Variants in LRRTM4 observed in about 807,000 individuals in gnomAD.
LRRTM4 encodes leucine rich repeat transmembrane neuronal 4, also known as leucine-rich repeat transmembrane neuronal protein 4.
In LRRTM4, 25 loss-of-function variants were observed where a neutral mutation model predicts 47.6. That is an observed-to-expected ratio of 0.53 (90% CI 0.38 to 0.73). The LOEUF (loss-of-function observed/expected upper bound fraction) is 0.73, where lower values mean the gene tolerates loss of function less well. LRRTM4 is among the 30% of genes least tolerant of loss of function. The pLI, the probability that LRRTM4 is intolerant of heterozygous loss-of-function variation, is 0.00. For synonymous variants in LRRTM4, 311 were observed against 269.5 expected, an observed-to-expected ratio of 1.15 and a Z score of -1.51; for missense variants, 638 against 713.4, an observed-to-expected ratio of 0.89 and a Z score of 1.20.
chr2:77,205,029 A>T lies in LRRTM4; in HGVS notation c.1551+313289T>A, dbSNP rs114369839. Among the ~76,000 whole-genome samples the T allele has an allele frequency of 5.1e-3, 774 of 152,342 alleles. 8 individuals are homozygous for T. Among genetic ancestry groups the T allele is most frequent in the African/African-American group, 0.018 (749 of 41,582 alleles). On this transcript the variant is annotated intron_variant, in intron 3 of 3. Transcript: ENST00000409884. ...GTTACAGAATTAATTTGAAAGATTT[A>T]TAACTCCCTATTTTTGGAAATCATA...
At chr2:77,464,111 G>A (rs1272702659) in intron 3 of LRRTM4, among the ~76,000 whole-genome samples, 1 of 152,038 alleles carries the variant, frequency 6.6e-6, no homozygotes, top group Non-Finnish European at 1.5e-5. Context: ...TTCTGATTTG[G>A]AAGGACAGAC....
At chr2:76,940,705 T>A (rs1250514858) in intron 3 of LRRTM4, among the ~76,000 whole-genome samples, 1 of 152,184 alleles carries the variant, frequency 6.6e-6, no homozygotes, top group Non-Finnish European at 1.5e-5. Context: ...CAATTCTAGA[T>A]TGTACGTACT....
chr2:77,012,404 A>G (rs1400371962), intron 3 of LRRTM4, among the ~76,000 whole-genome samples: 1 of 152,136 alleles, frequency 6.6e-6, no homozygotes, highest in Non-Finnish European at 1.5e-5. Flanking sequence ...ATGCCTAACA[A>G]GCGTGTATTT....
intron 3 of LRRTM4, among the ~76,000 whole-genome samples, chr2:76,891,411 T>C (rs114184409): frequency 0.012 from 1,835 of 151,868 alleles, 38 homozygotes; most frequent in African/African-American, 0.042. Flanking sequence ...AAAAATTAAG[T>C]ATTTTAGCAA....
intron 3 of LRRTM4, among the ~76,000 whole-genome samples, chr2:76,936,429 G>A (rs1178966988): frequency 1.3e-5 from 2 of 151,268 alleles, no homozygotes; most frequent in East Asian, 2.0e-4. Context: ...ACACACTGGG[G>A]CCTGTTGAGG....
chr2:77,515,142 A>G (rs951518310), intron 3 of LRRTM4, among the ~76,000 whole-genome samples: 3 of 151,916 alleles, frequency 2.0e-5, no homozygotes, highest in Non-Finnish European at 4.4e-5. Context: ...GGATGTATGT[A>G]TCCCTTATAC....
In LRRTM4 at chr2:76,818,025, AAAAGT is replaced by A. The variant is rs1670949907; in HGVS notation, c.1552-69114_1552-69110del. On this transcript the variant is annotated intron_variant, in intron 3 of 3. Transcript: ENST00000409884. ...ATAAAAATCCAGTTCAAGTTCTTTA[AAAAGT>A]AAAGAGGATACAGATGGCAATAGAA... Among the ~76,000 whole-genome samples the A allele has an allele frequency of 1.3e-5, 2 of 151,992 alleles. 1 individual carries two copies. The highest frequency in any genetic ancestry group is 1.3e-4 in the Admixed American group (2 of 15,200).
At chr2:77,509,726 G>T (rs1678912496) in intron 3 of LRRTM4, among the ~76,000 whole-genome samples, 1 of 152,070 alleles carries the variant, frequency 6.6e-6, no homozygotes, top group Non-Finnish European at 1.5e-5. Flanking sequence ...TTTCTGAATA[G>T]TACCTCATTA....
intron 3 of LRRTM4, among the ~76,000 whole-genome samples, chr2:76,802,640 C>G (rs905137726): frequency 8.6e-5 from 13 of 152,036 alleles, no homozygotes; most frequent in Admixed American, 8.5e-4. Flanking sequence ...CTAGAAGATC[C>G]CAAAGATCCA....
Position 76,760,653 on chromosome 2 carries a change from C to T in LRRTM4, c.1552-11737G>A, listed in dbSNP as rs146861378. On this transcript the variant is annotated intron_variant, in intron 3 of 3. Coordinates refer to ENST00000409884, the MANE Select transcript of LRRTM4 (RefSeq NM_001134745.3). ...TGTATCCAATTCACCCACAACTTGC[C>T]CTTGTATAGAATGGAACACGCTTGA... Among the ~76,000 whole-genome samples the T allele has an allele frequency of 5.3e-3, 806 of 152,144 alleles. 2 individuals are homozygous for T. The highest frequency in any genetic ancestry group is 7.2e-3 in the Non-Finnish European group (491 of 67,978).
At chr2:77,429,265 T>A (rs1675254600) in intron 3 of LRRTM4, among the ~76,000 whole-genome samples, 1 of 152,180 alleles carries the variant, frequency 6.6e-6, no homozygotes, top group Non-Finnish European at 1.5e-5. Context: ...AATGATCTTA[T>A]AAGAATAAGA....
At chr2:77,177,639 GCTTT>G (rs1673236309) in intron 3 of LRRTM4, among the ~76,000 whole-genome samples, 1 of 152,184 alleles carries the variant, frequency 6.6e-6, no homozygotes, top group Non-Finnish European at 1.5e-5. Flanking sequence ...AAGTCAGAAT[GCTTT>G]CTTATGATCT....
chr2:76,833,954 T>C (rs72819226), intron 3 of LRRTM4, among the ~76,000 whole-genome samples: 15,657 of 151,446 alleles, frequency 0.1, 1,046 homozygotes, highest in Non-Finnish European at 0.14. Context: ...TTAAAAAGGA[T>C]GTATATTGTC....
At chr2:77,028,993 C>A (rs1157133942) in intron 3 of LRRTM4, among the ~76,000 whole-genome samples, 1 of 149,516 alleles carries the variant, frequency 6.7e-6, no homozygotes, top group Non-Finnish European at 1.5e-5. Context: ...CAAGGTCACA[C>A]CACTGCACTA....
intron 3 of LRRTM4, among the ~76,000 whole-genome samples, chr2:77,315,955 A>G (rs529299918): frequency 6.6e-6 from 1 of 152,196 alleles, no homozygotes; most frequent in Non-Finnish European, 1.5e-5. Context: ...ATTAGCAAAC[A>G]TAGGTAACCT....
intron 3 of LRRTM4, among the ~76,000 whole-genome samples, chr2:77,027,924 A>G (rs1019027737): frequency 6.6e-6 from 1 of 151,980 alleles, no homozygotes; most frequent in Admixed American, 6.6e-5. Flanking sequence ...AAAATTATCA[A>G]CAGAATTAAT....
intron 3 of LRRTM4, among the ~76,000 whole-genome samples, chr2:77,439,017 T>C: frequency 6.6e-6 from 1 of 152,172 alleles, no homozygotes; most frequent in South Asian, 2.1e-4. Flanking sequence ...TCCCACAAGT[T>C]ATTCAAGTCA....
intron 3 of LRRTM4, among the ~76,000 whole-genome samples, chr2:76,829,864 A>G (rs2103889679): frequency 6.6e-6 from 1 of 152,140 alleles, no homozygotes; most frequent in Non-Finnish European, 1.5e-5. Context: ...TCACTTAGAC[A>G]TTTTGACCAA....
intron 3 of LRRTM4, among the ~76,000 whole-genome samples, chr2:76,974,211 C>CATACATATAT (rs1440382318): frequency 1.7e-5 from 2 of 118,234 alleles, no homozygotes; most frequent in South Asian, 2.9e-4. Flanking sequence ...TATATATATA[C>CATACATATAT]ACATATATAT....
Sources: gnomAD v4.1 joint callset for allele counts (sites outside exome capture counted in the v4.1 genomes callset) on GRCh38, gnomAD v4.1.1 for gene constraint, MANE v1.5 for transcripts, NCBI Gene and HGNC (gene_info 2026-07-23, HGNC 2026-07-21) for gene names.